GALNT2: variants seen among roughly 807,000 people sequenced by gnomAD.
GALNT2 encodes the protein polypeptide N-acetylgalactosaminyltransferase 2.
In GALNT2, 31 loss-of-function variants were observed where a neutral mutation model predicts 81.4. The observed-to-expected ratio is 0.38, with a 90% confidence interval of 0.29 to 0.51. The LOEUF is 0.51. GALNT2 is among the 20% of genes least tolerant of loss of function. GALNT2 has a pLI of 0.87. For missense variants in GALNT2, 629 were observed against 765.7 expected (o/e 0.82, Z 2.11); for synonymous variants, 303 against 287.4 (o/e 1.05, Z -0.55).
chr1:230,074,364 C>CGACT lies in GALNT2; in HGVS notation c.126+6960_126+6963dup, dbSNP rs1659469812. Among the ~76,000 whole-genome samples the CGACT allele has an allele frequency of 5.9e-5, 9 of 152,294 alleles. 1 individual carries two copies. The South Asian group carries it at 1.9e-3, about 32-fold the overall frequency. On this transcript the variant is annotated intron_variant, in intron 1 of 15. Coordinates refer to ENST00000366672, the MANE Select transcript of GALNT2 (RefSeq NM_004481.5). ...AAAGCATTGGGATTCCAGGTGTGAG[C>CGACT]GACTGCACTGGGCTGGATCATTCTT...
At chr1:230,203,342 C>A in intron 3 of GALNT2, 52 bp downstream of exon 3, 1 of 1,586,534 alleles carries the variant, frequency 6.3e-7, no homozygotes, top group Non-Finnish European at 8.6e-7. Context: ...TCACACAAAC[C>A]AGTACGTCGC....
intron 1 of GALNT2, among the ~76,000 whole-genome samples, chr1:230,138,040 A>C (rs1048611953): frequency 6.6e-6 from 1 of 152,138 alleles, no homozygotes; most frequent in Admixed American, 6.5e-5. Flanking sequence ...AATAGAAAAA[A>C]CACCTTGCAT....
intron 3 of GALNT2, among the ~76,000 whole-genome samples, chr1:230,210,665 A>G (rs1255010804): frequency 1.3e-5 from 2 of 152,218 alleles, no homozygotes; most frequent in African/African-American, 2.4e-5. Context: ...AAGAATTACT[A>G]AAGAACTCTA....
intron 1 of GALNT2, among the ~76,000 whole-genome samples, chr1:230,093,495 G>A (rs989723852): frequency 1.6e-4 from 24 of 152,296 alleles, no homozygotes; most frequent in Admixed American, 9.2e-4. Flanking sequence ...AAACTAGATC[G>A]GCTGCGGGCT....
chr1:230,239,624 C>A (rs1411765976), intron 6 of GALNT2, among the ~76,000 whole-genome samples: 1 of 152,164 alleles, frequency 6.6e-6, no homozygotes, highest in Admixed American at 6.5e-5. Flanking sequence ...TAGATTGTGC[C>A]CACCCAGATT....
rs114914825 is a variant in GALNT2, at chr1:230,123,979, T to C, written c.127-54239T>C. 1.7e-3 allele frequency among the ~76,000 whole-genome samples: 253 copies of C among 152,372 alleles called. 1 individual carries two copies. Among genetic ancestry groups the C allele is most frequent in the African/African-American group, 5.8e-3 (240 of 41,586 alleles). On this transcript the variant is annotated intron_variant, in intron 1 of 15. Coordinates refer to ENST00000366672, the MANE Select transcript of GALNT2 (RefSeq NM_004481.5). ...GTCATTCTGTTTATTTGGTGAACTC[T>C]GTAGCTTCAAACGTACAGCTTTGAC...
intron 3 of GALNT2, among the ~76,000 whole-genome samples, chr1:230,208,736 A>T (rs182662031): frequency 8.5e-4 from 130 of 152,338 alleles, no homozygotes; most frequent in African/African-American, 2.9e-3. Context: ...TCCCGTGATC[A>T]GGAGATATAA....
chr1:230,149,452 A>G (rs1465275352), intron 1 of GALNT2, among the ~76,000 whole-genome samples: 3 of 152,104 alleles, frequency 2.0e-5, no homozygotes, highest in Admixed American at 2.0e-4. Context: ...TATTGCAGTG[A>G]TTCTTAGGTC....
rs576712880 is a variant in GALNT2, at chr1:230,161,474, A to G, written c.127-16744A>G. On this transcript the variant is annotated intron_variant, in intron 1 of 15. Transcript: ENST00000366672. ...TCCAGCTGTCTGTGCAGACGTGGCA[A>G]AGAAATATGGCCACTTCCAATCCAC... Among the ~76,000 whole-genome samples the G allele has an allele frequency of 2.1e-4, 32 of 152,364 alleles. No individual in the cohort carries two copies. The South Asian group carries it at 6.2e-3, about 30-fold the overall frequency.
chr1:230,065,537 G>A (rs72646697), upstream of GALNT2, among the ~76,000 whole-genome samples: 5,653 of 152,202 alleles, frequency 0.037, 193 homozygotes, highest in African/African-American at 0.09. Flanking sequence ...TTTCATCAGC[G>A]AAAATGTTAT....
At chr1:230,180,160 C>A (rs755505637) in intron 2 of GALNT2, among the ~76,000 whole-genome samples, 3 of 152,138 alleles carry the variant, frequency 2.0e-5, no homozygotes, top group Non-Finnish European at 2.9e-5. Context: ...CTCAGGTGAT[C>A]CGCCCGCCTC....
At chr1:230,131,638 C>T (rs1418159175) in intron 1 of GALNT2, among the ~76,000 whole-genome samples, 4 of 152,160 alleles carry the variant, frequency 2.6e-5, no homozygotes, top group African/African-American at 4.8e-5. Context: ...CTGATGTCAG[C>T]GTTTAGCTCC....
chr1:230,107,637 T>TGTGTGTGTGTGTGTGTG (rs1660580750), intron 1 of GALNT2, among the ~76,000 whole-genome samples: 1 of 151,064 alleles, frequency 6.6e-6, no homozygotes, highest in Non-Finnish European at 1.5e-5. Flanking sequence ...TGTGTGTGTG[T>TGTGTGTGTGTGTGTGTG]GTGTGTGGTT....
At chr1:230,201,277 T>C (rs1663884635) in intron 2 of GALNT2, among the ~76,000 whole-genome samples, 1 of 152,152 alleles carries the variant, frequency 6.6e-6, no homozygotes, top group South Asian at 2.1e-4. Flanking sequence ...GCCAGGCTCG[T>C]GGGTTTTGGA....
intron 1 of GALNT2, among the ~76,000 whole-genome samples, chr1:230,127,335 G>A (rs1194681111): frequency 6.6e-6 from 1 of 152,060 alleles, no homozygotes; most frequent in African/African-American, 2.4e-5. Flanking sequence ...CATCCCTGTG[G>A]AAGACTCTCT....
intron 1 of GALNT2, among the ~76,000 whole-genome samples, chr1:230,088,241 C>T (rs1393450187): frequency 1.3e-5 from 2 of 152,178 alleles, no homozygotes; most frequent in African/African-American, 4.8e-5. Flanking sequence ...ATCCATTAAA[C>T]AGTAACTCCC....
At chr1:230,127,925 C>T (rs1661240984) in intron 1 of GALNT2, among the ~76,000 whole-genome samples, 1 of 152,224 alleles carries the variant, frequency 6.6e-6, no homozygotes, top group African/African-American at 2.4e-5. Flanking sequence ...CCCTGTGAAG[C>T]CAGCCGCTGT....
chr1:230,220,033 C>G (rs1272682553), intron 3 of GALNT2, among the ~76,000 whole-genome samples: 1 of 152,180 alleles, frequency 6.6e-6, no homozygotes, highest in Non-Finnish European at 1.5e-5. Flanking sequence ...TTAGGGAATT[C>G]AGATTGTTAA....
intron 1 of GALNT2, among the ~76,000 whole-genome samples, chr1:230,069,265 T>TG (rs199710062): frequency 0.12 from 17,879 of 147,142 alleles, 3,169 homozygotes; most frequent in African/African-American, 0.43. Flanking sequence ...TAGTTTGTTT[T>TG]TTTTTGTTTT....
Sources: allele counts gnomAD v4.1 joint callset (sites outside exome capture counted in the v4.1 genomes callset), GRCh38; gene constraint gnomAD v4.1.1; transcripts MANE v1.5; gene names NCBI Gene and HGNC (gene_info 2026-07-23, HGNC 2026-07-21).